VAC14: variants seen among roughly 807,000 people sequenced by gnomAD.
VAC14 encodes the protein protein VAC14 homolog.
In VAC14, 47 loss-of-function variants were observed where a neutral mutation model predicts 85.3. The ratio of observed to expected loss-of-function variants is 0.55; its 90% CI spans 0.44 to 0.70. VAC14 has a LOEUF of 0.70. Among genes scored for constraint, VAC14 ranks in the 30% least tolerant of loss-of-function variants. The probability of loss-of-function intolerance (pLI) is 0.00; values close to 1 mark genes in which losing one functional copy is unlikely to be tolerated. For missense variants in VAC14, 861 were observed against 1,004.3 expected, an observed-to-expected ratio of 0.86 and a Z score of 1.93; for synonymous variants, 447 against 430.5, an observed-to-expected ratio of 1.04 and a Z score of -0.47.
Position 70,801,124 on chromosome 16 carries a change from G to C in VAC14, c.-224C>G, listed in dbSNP as rs574310081. 7.0e-6 allele frequency: 3 copies of C among 429,806 alleles called. No homozygotes were observed. The highest frequency in any genetic ancestry group is 1.2e-5 in the Non-Finnish European group (3 of 244,830). 26.6% of individuals were successfully genotyped at this position (429,806 alleles called of 1,614,324 possible). ...TTAACAACTCCCGCCCGGCACTAGC[G>C]GGACTCACGAGACAGCGGCCATGTT... On this transcript the variant is annotated 5_prime_UTR_variant, in exon 1 of 19. Coordinates refer to ENST00000261776, the MANE Select transcript of VAC14 (RefSeq NM_018052.5).
At chr16:70,751,038 T>C (rs902547334) in intron 12 of VAC14, among the ~76,000 whole-genome samples, 2 of 151,974 alleles carry the variant, frequency 1.3e-5, no homozygotes, top group South Asian at 2.1e-4. Context: ...ACCTGCAGCG[T>C]TGGACAGGAA....
intron 14 of VAC14, chr16:70,731,270 T>A: frequency 7.7e-7 from 1 of 1,304,874 alleles, no homozygotes; most frequent in Admixed American, 3.4e-5. Flanking sequence ...AAAAAATGAA[T>A]TCAGTTGTGC....
chr16:70,692,393 G>T (rs921925042), intron 18 of VAC14, among the ~76,000 whole-genome samples: 1 of 152,114 alleles, frequency 6.6e-6, no homozygotes, highest in Admixed American at 6.5e-5. Context: ...GTGGGGAGGG[G>T]CTATGTGAGG....
At chr16:70,763,176 A>C (rs532028546) in intron 10 of VAC14, 151 bp from the exon 11 acceptor site, 1 of 1,156,970 alleles carries the variant, frequency 8.6e-7, no homozygotes, top group South Asian at 1.6e-5. Flanking sequence ...ACCTGATCCC[A>C]CACATCCTTG....
At chr16:70,777,544 A>C (rs1432623304) in intron 9 of VAC14, among the ~76,000 whole-genome samples, 1 of 152,202 alleles carries the variant, frequency 6.6e-6, no homozygotes, top group Non-Finnish European at 1.5e-5. Context: ...CTGGACACGC[A>C]AAGTGCCATA....
intron 10 of VAC14, among the ~76,000 whole-genome samples, chr16:70,765,545 A>C (rs1228811637): frequency 6.6e-6 from 1 of 152,212 alleles, no homozygotes; most frequent in African/African-American, 2.4e-5. Context: ...GGAAGAGGGA[A>C]CTGAAGCACA....
At chr16:70,781,823 C>A in intron 8 of VAC14, 46 bp downstream of exon 8, 1 of 1,603,742 alleles carries the variant, frequency 6.2e-7, no homozygotes, top group Non-Finnish European at 8.5e-7. Context: ...ACTTCATAAT[C>A]CCTTTGGGGC....
At chr16:70,784,283 A>C in intron 4 of VAC14, 63 bp from the exon 5 acceptor site, 2 of 1,410,582 alleles carry the variant, frequency 1.4e-6, no homozygotes, top group Non-Finnish European at 2.0e-6. Flanking sequence ...ACCTCGCTGA[A>C]TCACTTGCCC....
intron 1 of VAC14, among the ~76,000 whole-genome samples, chr16:70,789,184 C>G (rs531301386): frequency 6.6e-6 from 1 of 152,332 alleles, no homozygotes; most frequent in South Asian, 2.1e-4. Flanking sequence ...CAGTTTAACA[C>G]AAGACTAAAC....
At chr16:70,694,114 C>A (rs532746870) in intron 17 of VAC14, among the ~76,000 whole-genome samples, 1 of 152,232 alleles carries the variant, frequency 6.6e-6, no homozygotes, top group African/African-American at 2.4e-5. Flanking sequence ...AGGGCTGGGA[C>A]GGTGTTGGGC....
chr16:70,726,231 G>C (rs1048278624), intron 14 of VAC14, among the ~76,000 whole-genome samples: 7 of 152,280 alleles, frequency 4.6e-5, no homozygotes, highest in African/African-American at 1.7e-4. Context: ...TGGAGGGTGG[G>C]AAGAGGCCGG....
At chr16:70,712,314 A>G (rs1567531871) in intron 14 of VAC14, among the ~76,000 whole-genome samples, 1 of 152,134 alleles carries the variant, frequency 6.6e-6, no homozygotes, top group Non-Finnish European at 1.5e-5. Flanking sequence ...CTATAGCAGA[A>G]CTTGCGCTGG....
chr16:70,722,843 GC>G (rs2054328831), intron 14 of VAC14, among the ~76,000 whole-genome samples: 2 of 152,112 alleles, frequency 1.3e-5, no homozygotes. Flanking sequence ...ACTTTGAGAG[GC>G]CAAGACAGGA....
At chr16:70,727,385 G>A (rs2054460719) in intron 14 of VAC14, among the ~76,000 whole-genome samples, 1 of 152,168 alleles carries the variant, frequency 6.6e-6, no homozygotes, top group Non-Finnish European at 1.5e-5. Flanking sequence ...TGTCGCGCAG[G>A]CTGGAGTGCA....
Position 70,761,008 on chromosome 16 carries a change from TGTGTGTGTGTGCATGGGG to T in VAC14, c.1371+1514_1371+1531del, listed in dbSNP as rs1456392975. On this transcript the variant is annotated intron_variant, in intron 12 of 18. Coordinates refer to ENST00000261776, the MANE Select transcript of VAC14 (RefSeq NM_018052.5). ...GTGTGTGTGTGTGTGTGTGTGTGTGTGTGTGTGTGTGCATGGGGGGGCGGGGGGTAGGCAGGAGAGGCC... is the reference window on the plus strand; with the variant it reads ...GTGTGTGTGTGTGTGTGTGTGTGTGTGGGCGGGGGGTAGGCAGGAGAGGCC... 1.0e-3 allele frequency: 336 copies of T among 324,646 alleles called. 8 individuals are homozygous for T. In the African/African-American group the frequency reaches 0.011, roughly 11 times the overall value. 20.1% of individuals were successfully genotyped at this position (324,646 alleles called of 1,614,324 possible). A position where few individuals can be genotyped will look rare whatever the true frequency, so the allele number is the denominator to read the frequency against.
At chr16:70,783,256 CTTG>C (rs1427632348) in intron 6 of VAC14, 117 bp from the exon 7 acceptor site, 1 of 1,171,278 alleles carries the variant, frequency 8.5e-7, no homozygotes, top group East Asian at 2.3e-5. Flanking sequence ...GGCTTTTGGA[CTTG>C]TCAGGTGATC....
intron 13 of VAC14, among the ~76,000 whole-genome samples, chr16:70,735,522 G>T (rs1333197990): frequency 6.6e-6 from 1 of 152,214 alleles, no homozygotes; most frequent in Non-Finnish European, 1.5e-5. Flanking sequence ...CGTCTTTCTT[G>T]CTGAGCTCAG....
intron 1 of VAC14, among the ~76,000 whole-genome samples, chr16:70,790,356 A>G (rs917238497): frequency 6.6e-6 from 1 of 152,302 alleles, no homozygotes; most frequent in Middle Eastern, 3.4e-3. Context: ...AAGAAAAGCC[A>G]CAGGTGGAGG....
chr16:70,782,962 G>C, intron 7 of VAC14, 71 bp downstream of exon 7: 1 of 1,376,452 alleles, frequency 7.3e-7, no homozygotes, highest in South Asian at 1.2e-5. Flanking sequence ...GATGGTGAAA[G>C]GGGCTTCTGC....
Sources: allele counts gnomAD v4.1 joint callset (sites outside exome capture counted in the v4.1 genomes callset), GRCh38; gene constraint gnomAD v4.1.1; transcripts MANE v1.5; gene names NCBI Gene and HGNC (gene_info 2026-07-23, HGNC 2026-07-21).